F7: variants seen among roughly 807,000 people sequenced by gnomAD.
F7 encodes the protein coagulation factor VII.
Under a neutral mutation model 47.5 loss-of-function variants are expected in F7, and 38 were observed. That is an observed-to-expected ratio of 0.80 (90% confidence interval 0.62 to 1.05). The LOEUF is 1.05. Ranked by LOEUF, F7 falls within the 50% of genes least tolerant of loss-of-function variation. The pLI is 0.00. For missense variants in F7, 575 were observed against 605.4 expected (o/e 0.95, Z 0.53); for synonymous variants, 244 against 258.5 (o/e 0.94, Z 0.54).
chr13:113,117,374 T>G, intron 6 of F7, 99 bp from the exon 7 acceptor site: 1 of 1,566,872 alleles, frequency 6.4e-7, no homozygotes, highest in Non-Finnish European at 8.7e-7. Context: ...AGAAAGAAAT[T>G]GTGCAATGCC....
Position 113,110,800 on chromosome 13 carries a change from C to T in F7, c.175C>T (p.Gln59Ter). Residue 59 changes from glutamine to a stop codon, truncating the protein, a stop_gained, in exon 2 of 8, where the codon CAG (glutamine) becomes TAG (stop). Coordinates refer to ENST00000346342, the MANE Select transcript of F7 (RefSeq NM_019616.4). LOFTEE classifies it high-confidence loss of function. ...CCTGGAGAGGGAGTGCAAGGAGGAG[C>T]AGTGCTCCTTCGAGGAGGCCCGGGA... ...GSLERECKEE[Q>*]CSFEEAREIF... The T allele has an allele frequency of 1.9e-6, 3 of 1,556,566 alleles. No homozygotes were observed. The highest frequency in any genetic ancestry group is 2.6e-6 in the Non-Finnish European group (3 of 1,150,776).
At chr13:113,106,763 G>A in intron 1 of F7, 2 of 1,384,328 alleles carry the variant, frequency 1.4e-6, no homozygotes, top group Non-Finnish European at 1.0e-6. Flanking sequence ...GGGGTGGGCT[G>A]TGAGGGACAG....
At chr13:113,116,270 CAA>C (rs1226323395) in intron 5 of F7, among the ~76,000 whole-genome samples, 3 of 152,242 alleles carry the variant, frequency 2.0e-5, no homozygotes, top group Non-Finnish European at 2.9e-5. Context: ...CACTGTGTCT[CAA>C]AGAGGCGGAC....
Position 113,118,660 on chromosome 13 carries a change from C to T in F7, c.987C>T (p.Gly329=), listed in dbSNP as rs140590804. 119 of 1,612,540 alleles carry T rather than the reference C, an allele frequency of 7.4e-5. No homozygotes were observed. The highest frequency in any genetic ancestry group is 5.1e-4 in the African/African-American group (38 of 74,854). ...GCTGGGGCCAGCTGCTGGACCGTGG[C>T]GCCACGGCCCTGGAGCTCATGGTCC... ...VSGWGQLLDR[G]ATALELMVLN... is the part of the protein sequence containing the mutation. Residue 329 remains glycine (G), a synonymous_variant, in exon 8 of 8, where the codon GGC becomes GGT. Transcript: ENST00000346342.
chr13:113,108,309 G>A (rs1440906473), intron 1 of F7, among the ~76,000 whole-genome samples: 1 of 101,506 alleles, frequency 9.9e-6, no homozygotes, highest in African/African-American at 3.5e-5. Flanking sequence ...TGGGTGTTCC[G>A]GAGGCGAGGG....
intron 2 of F7, among the ~76,000 whole-genome samples, chr13:113,112,830 C>T (rs568385326): frequency 6.0e-5 from 9 of 149,704 alleles, no homozygotes; most frequent in Admixed American, 2.0e-4. Context: ...CAGGACACCT[C>T]ACACTCACAG....
chr13:113,106,737 TG>T, intron 1 of F7: 4 of 878,980 alleles, frequency 4.6e-6, no homozygotes, highest in Non-Finnish European at 4.9e-6. Flanking sequence ...GGATGGCGTG[TG>T]GGGATGGCGA....
At chr13:113,109,352 T>G (rs2036044062) in intron 1 of F7, among the ~76,000 whole-genome samples, 1 of 151,900 alleles carries the variant, frequency 6.6e-6, no homozygotes, top group Non-Finnish European at 1.5e-5. Flanking sequence ...TCGGAGTCCG[T>G]GAGTTCCCAC....
At chr13:113,108,842 A>C (rs376750008) in intron 1 of F7, among the ~76,000 whole-genome samples, 93 of 7,194 alleles carry the variant, frequency 0.013, no homozygotes, top group Admixed American at 0.02. Context: ...GTCCCGGGGG[A>C]GTGGGTGTCC....
intron 2 of F7, among the ~76,000 whole-genome samples, 153 bp downstream of exon 2, chr13:113,111,003 C>T (rs2142213256): frequency 6.6e-6 from 1 of 152,262 alleles, no homozygotes; most frequent in Admixed American, 6.5e-5. Flanking sequence ...TCGCTTTCCG[C>T]CCGGGGTGAC....
In F7 at chr13:113,118,679, A is replaced by T; in HGVS notation, c.1006A>T (p.Met336Leu). 1.8e-5 allele frequency: 29 copies of T among 1,612,842 alleles called. No homozygotes were observed. Among genetic ancestry groups the T allele is most frequent in the Non-Finnish European group, 2.4e-5 (28 of 1,179,928 alleles). ...CCGTGGCGCCACGGCCCTGGAGCTC[A>T]TGGTCCTCAACGTGCCCCGGCTGAT... ...LDRGATALEL[M>L]VLNVPRLMTQ... Residue 336 changes from methionine to leucine, a missense_variant, in exon 8 of 8, where the codon ATG becomes TTG. Physicochemically the swap from Met to Leu is conservative, Grantham distance 15. Transcript: ENST00000346342.
intron 1 of F7, among the ~76,000 whole-genome samples, chr13:113,109,862 G>A (rs2036055116): frequency 6.6e-6 from 1 of 152,238 alleles, no homozygotes; most frequent in Admixed American, 6.5e-5. Context: ...CTCGGCTGTA[G>A]GGCGTCCTGA....
At chr13:113,114,909 CT>C (rs1740875271) in intron 4 of F7, 1 of 153,812 alleles carries the variant, frequency 6.5e-6, no homozygotes, top group African/African-American at 2.4e-5. Context: ...AGACCACATT[CT>C]TACACTGAAT....
At position 113,110,664 on chromosome 13, in the gene F7, C is replaced by T. The variant is rs1350152019; in HGVS notation, c.65-26C>T. On this transcript the variant is annotated intron_variant, in intron 1 of 7. Coordinates refer to ENST00000346342, the MANE Select transcript of F7 (RefSeq NM_019616.4). ...GGCACTGGGCGGGGCACGCGGTGGG[C>T]GCTTCACGGAACTCGCATTTCCCAG... 3.2e-6 allele frequency: 5 copies of T among 1,547,646 alleles called. No homozygotes were observed. The South Asian group carries it at 6.0e-5, about 18-fold the overall frequency.
At position 113,119,086 on chromosome 13, in the gene F7, G is replaced by A. The variant is rs1595081211; in HGVS notation, c.*78G>A. On this transcript the variant is annotated 3_prime_UTR_variant, in exon 8 of 8. Coordinates refer to ENST00000346342, the MANE Select transcript of F7 (RefSeq NM_019616.4). ...GGCACCAAATCCCATATATTCTTCTGCAGTTAATGGGGTAGAGGAGGGCAT... is the reference window on the plus strand; with the variant it reads ...GGCACCAAATCCCATATATTCTTCTACAGTTAATGGGGTAGAGGAGGGCAT... The A allele has an allele frequency of 6.8e-6, 9 of 1,320,104 alleles. No homozygotes were observed. In the East Asian group the frequency reaches 1.9e-4, roughly 28 times the overall value. The allele number at this position is 1,320,104 out of a possible 1,614,324, so 81.8% of individuals were successfully genotyped here.
intron 1 of F7, 167 bp from the exon 2 acceptor site, chr13:113,110,523 C>T: frequency 2.3e-6 from 2 of 864,074 alleles, no homozygotes; most frequent in Non-Finnish European, 3.5e-6. Context: ...GTGGCTGACC[C>T]GGGAGCACGG....
rs1244306630 is a variant in F7 at position 113,119,969 on chromosome 13, C to G, written c.*961C>G. The G allele has an allele frequency of 6.6e-6, 1 of 152,278 alleles. No individual in the cohort carries two copies. Among genetic ancestry groups the G allele is most frequent in the Non-Finnish European group, 1.5e-5 (1 of 68,074 alleles). 9.4% of individuals were successfully genotyped at this position (152,278 alleles called of 1,614,324 possible). Reference sequence around the variant, plus strand: ...CCGGGCTGCACAGACTATTCCCCACCTGCTTCCCAGCTTCACAATAAACGG... The same window carrying G: ...CCGGGCTGCACAGACTATTCCCCACGTGCTTCCCAGCTTCACAATAAACGG... On this transcript the variant is annotated 3_prime_UTR_variant, in exon 8 of 8. Coordinates refer to ENST00000346342, the MANE Select transcript of F7 (RefSeq NM_019616.4).
At chr13:113,115,519 C>G (rs890381946) in intron 4 of F7, 141 bp from the exon 5 acceptor site, 1 of 894,730 alleles carries the variant, frequency 1.1e-6, no homozygotes, top group African/African-American at 1.6e-5. Context: ...CAGGTGGTGC[C>G]AAGCTCAGGC....
At chr13:113,106,032 C>A (rs890831427) in intron 1 of F7, 127 bp downstream of exon 1, 3 of 751,484 alleles carry the variant, frequency 4.0e-6, no homozygotes, top group African/African-American at 3.5e-5. Context: ...GGTTTTCTGG[C>A]GGCTCCTGTT....
Sources: allele counts gnomAD v4.1 joint callset (sites outside exome capture counted in the v4.1 genomes callset), GRCh38; gene constraint gnomAD v4.1.1; transcripts MANE v1.5; gene names NCBI Gene and HGNC (gene_info 2026-07-23, HGNC 2026-07-21).